The following SERPINB2 variants were observed in gnomAD, a reference collection of about 807,000 sequenced individuals.
The protein encoded by SERPINB2 is plasminogen activator inhibitor 2.
In SERPINB2, 28 loss-of-function variants were observed where a neutral mutation model predicts 39.4. The ratio of observed to expected loss-of-function variants is 0.71; its 90% CI spans 0.53 to 0.97. The LOEUF is 0.97. Among genes scored for constraint, SERPINB2 ranks in the 50% least tolerant of loss-of-function variants. SERPINB2 has a pLI of 0.00. For synonymous variants in SERPINB2, 209 were observed against 175.1 expected (o/e 1.19, Z -1.53); for missense variants, 557 against 505.3 (o/e 1.10, Z -0.98).
chr18:63,902,924 C>G lies in SERPINB2; in HGVS notation c.867C>G (p.Asp289Glu). The part of the protein sequence containing the change: ...LELLESEITY[D>E]KLNKWTSKDK... ...AGCTGGAAAGTGAAATAACCTATGA[C>G]AAACTCAACAAGTGGACCAGCAAAG... Residue 289 changes from aspartate (D) to glutamate (E), a missense_variant, in exon 8 of 8, where the codon GAC (aspartate) becomes GAG (glutamate). Transcript: ENST00000299502. 1 of 1,609,368 alleles carries G rather than the reference C, an allele frequency of 6.2e-7. No individual in the cohort carries two copies. The highest frequency in any genetic ancestry group is 8.5e-7 in the Non-Finnish European group (1 of 1,177,664).
chr18:63,888,546 C>G (rs998035547), intron 1 of SERPINB2, among the ~76,000 whole-genome samples: 4 of 152,206 alleles, frequency 2.6e-5, no homozygotes, highest in Non-Finnish European at 5.9e-5. Context: ...AATATTTCCA[C>G]TGTCTAATTG....
At chr18:63,902,685 G>T in intron 7 of SERPINB2, 117 bp downstream of exon 7, 2 of 1,139,714 alleles carry the variant, frequency 1.8e-6, no homozygotes, top group Non-Finnish European at 2.5e-6. Flanking sequence ...TGAAACAGTT[G>T]ATAGTAAATA....
At chr18:63,899,224 G>A (rs1324789836) in intron 5 of SERPINB2, among the ~76,000 whole-genome samples, 1 of 152,114 alleles carries the variant, frequency 6.6e-6, no homozygotes, top group Non-Finnish European at 1.5e-5. Context: ...CTCCTCATCT[G>A]CTTTTTCAGC....
At chr18:63,898,936 T>G (rs1302819659) in intron 5 of SERPINB2, among the ~76,000 whole-genome samples, 2 of 152,150 alleles carry the variant, frequency 1.3e-5, no homozygotes, top group Non-Finnish European at 2.9e-5. Context: ...AGTACACTTA[T>G]TATGCTATTC....
intron 5 of SERPINB2, among the ~76,000 whole-genome samples, chr18:63,899,931 G>A (rs1036711627): frequency 6.6e-6 from 1 of 152,024 alleles, no homozygotes; most frequent in Admixed American, 6.6e-5. Context: ...CATTTTCATT[G>A]TGGATTTGTG....
At position 63,901,813 on chromosome 18, in the gene SERPINB2, C is replaced by T. The variant is rs541565805; in HGVS notation, c.609C>T (p.Tyr203=). The T allele has an allele frequency of 2.8e-4, 452 of 1,602,492 alleles. 9 individuals are homozygous for T. In the South Asian group the frequency reaches 4.1e-3, roughly 14 times the overall value. ...DTRMVLVNAV[Y]FKGKWKTPFE... ...GGATGGTCCTGGTGAATGCTGTCTA[C>T]TTCAAAGGAAAGTGGAAAACTCCAT... The change falls in exon 6 of 8, where the codon TAC becomes TAT. Residue 203 remains tyrosine (Y), a synonymous_variant. Coordinates refer to ENST00000299502, the MANE Select transcript of SERPINB2 (RefSeq NM_002575.3).
chr18:63,903,424 A>T lies in SERPINB2; in HGVS notation c.*119A>T. 1 of 913,672 alleles carries T rather than the reference A, an allele frequency of 1.1e-6. No individual in the cohort carries two copies. The highest frequency in any genetic ancestry group is 1.5e-6 in the Non-Finnish European group (1 of 649,274). 56.6% of individuals were successfully genotyped at this position (913,672 alleles called of 1,614,324 possible). A position where few individuals can be genotyped will look rare whatever the true frequency, so the allele number is the denominator to read the frequency against. On this transcript the variant is annotated 3_prime_UTR_variant, in exon 8 of 8. Coordinates refer to ENST00000299502, the MANE Select transcript of SERPINB2 (RefSeq NM_002575.3). ...CTACATATTTCTGCTCTTCTGAACA[A>T]CTTCTGCTACCCACTAAATAAAAAC...
chr18:63,901,849 A>G lies in SERPINB2; in HGVS notation c.645A>G (p.Lys215=). 6.2e-7 allele frequency: 1 copy of G among 1,603,388 alleles called. No homozygotes were observed. The highest frequency in any genetic ancestry group is 8.5e-7 in the Non-Finnish European group (1 of 1,177,030). ...AGTGGAAAACTCCATTTGAGAAGAA[A>G]CTAAATGGGCTTTATCCTTTCCGTG... ...KGKWKTPFEK[K]LNGLYPFRVN... Residue 215 remains lysine (K), a synonymous_variant, in exon 6 of 8, where the codon AAA becomes AAG. Coordinates refer to ENST00000299502, the MANE Select transcript of SERPINB2 (RefSeq NM_002575.3).
chr18:63,890,757 AG>A (rs2049920545), intron 1 of SERPINB2: 1 of 152,100 alleles, frequency 6.6e-6, no homozygotes, highest in Admixed American at 6.5e-5. Context: ...TTTTTTAGTA[AG>A]GCTGTGGTAT....
Position 63,895,288 on chromosome 18 carries a change from G to A in SERPINB2, c.193G>A (p.Ala65Thr). 2 of 1,614,046 alleles carry A rather than the reference G, an allele frequency of 1.2e-6. No homozygotes were observed. Among genetic ancestry groups the A allele is most frequent in the Non-Finnish European group, 8.5e-7 (1 of 1,179,954 alleles). ...AKVLQFNEVG[A>T]NAVTPMTPEN... ...GGTGCTTCAGTTTAATGAAGTGGGA[G>A]CCAATGCAGTTACCCCCATGACTCC... Residue 65 changes from alanine (A) to threonine (T), a missense_variant, in exon 3 of 8, where the codon GCC becomes ACC. Ala to Thr is a moderately conservative substitution (Grantham distance 58, BLOSUM62 0). Coordinates refer to ENST00000299502, the MANE Select transcript of SERPINB2 (RefSeq NM_002575.3).
intron 5 of SERPINB2, among the ~76,000 whole-genome samples, 156 bp from the exon 6 acceptor site, chr18:63,901,584 T>C (rs1190118237): frequency 6.6e-6 from 1 of 152,324 alleles, no homozygotes; most frequent in African/African-American, 2.4e-5. Flanking sequence ...TTTGTTTCAA[T>C]TTTAATTTTG....
In SERPINB2 at chr18:63,903,050, C is replaced by A. The variant is rs7243153; in HGVS notation, c.993C>A (p.Asp331Glu). 3 of 1,613,732 alleles carry A rather than the reference C, an allele frequency of 1.9e-6. No individual in the cohort carries two copies. The South Asian group carries it at 3.3e-5, about 18-fold the overall frequency. Reference sequence around the variant, plus strand: ...TTCTGAGAAGCATGGGCATGGAGGACGCCTTCAACAAGGGACGGGCCAATT... The same window carrying A: ...TTCTGAGAAGCATGGGCATGGAGGAAGCCTTCAACAAGGGACGGGCCAATT... ...RSILRSMGME[D>E]AFNKGRANFS... Residue 331 changes from aspartate (D) to glutamate (E), a missense_variant, in exon 8 of 8, where the codon GAC (aspartate) becomes GAA (glutamate). Coordinates refer to ENST00000299502, the MANE Select transcript of SERPINB2 (RefSeq NM_002575.3).
intron 1 of SERPINB2, among the ~76,000 whole-genome samples, chr18:63,888,504 T>C (rs2049906344): frequency 6.6e-6 from 1 of 152,244 alleles, no homozygotes; most frequent in Non-Finnish European, 1.5e-5. Flanking sequence ...TGTTTTCTCT[T>C]AGTTCTCATT....
At chr18:63,893,824 C>T (rs9630851) in intron 2 of SERPINB2, among the ~76,000 whole-genome samples, 40,169 of 152,022 alleles carry the variant, frequency 0.26, 5,757 homozygotes, top group East Asian at 0.48. Context: ...AATTTACTCA[C>T]ATAAGACAAA....
At chr18:63,897,243 T>A in intron 4 of SERPINB2, 24 bp downstream of exon 4, 1 of 1,603,484 alleles carries the variant, frequency 6.2e-7, no homozygotes, top group Non-Finnish European at 8.5e-7. Context: ...GTAATTGAAA[T>A]GGCTGGATCC....
chr18:63,895,558 G>A (rs552026127), intron 3 of SERPINB2, among the ~76,000 whole-genome samples, 175 bp downstream of exon 3: 3 of 152,304 alleles, frequency 2.0e-5, no homozygotes, highest in South Asian at 4.1e-4. Flanking sequence ...CCCATAACGA[G>A]AGACGAGCCA....
chr18:63,899,303 G>A (rs1246881428), intron 5 of SERPINB2, among the ~76,000 whole-genome samples: 1 of 152,056 alleles, frequency 6.6e-6, no homozygotes, highest in Non-Finnish European at 1.5e-5. Context: ...TTGTTAGTTT[G>A]TTTTGCTTTT....
In SERPINB2 at chr18:63,902,938, G is replaced by A. The variant is rs1793630465; in HGVS notation, c.881G>A (p.Trp294Ter). The change falls in exon 8 of 8, where the codon TGG (tryptophan) becomes TAG (stop). Residue 294 changes from tryptophan to a stop codon, truncating the protein, a stop_gained. Transcript: ENST00000299502. LOFTEE classifies it high-confidence loss of function. ...SEITYDKLNKWTSKDKMAEDE... is the reference protein window; with the variant it reads ...SEITYDKLNK ...ATAACCTATGACAAACTCAACAAGT[G>A]GACCAGCAAAGACAAAATGGCTGAA... 1 of 1,611,904 alleles carries A rather than the reference G, an allele frequency of 6.2e-7. No homozygotes were observed. The highest frequency in any genetic ancestry group is 1.3e-5 in the African/African-American group (1 of 74,812).
At chr18:63,898,691 T>C (rs4599014) in intron 5 of SERPINB2, among the ~76,000 whole-genome samples, 43,315 of 151,746 alleles carry the variant, frequency 0.29, 6,725 homozygotes, top group East Asian at 0.47. Flanking sequence ...GAAGTACAGG[T>C]GCTATGTGGG....
Sources: allele counts gnomAD v4.1 joint callset (sites outside exome capture counted in the v4.1 genomes callset), GRCh38; gene constraint gnomAD v4.1.1; transcripts MANE v1.5; gene names NCBI Gene and HGNC (gene_info 2026-07-23, HGNC 2026-07-21).